SNTB1: variants seen among roughly 807,000 people sequenced by gnomAD.
SNTB1 encodes the protein syntrophin beta 1.
A neutral mutation model predicts 48.9 loss-of-function variants in SNTB1; 36 were observed. The observed-to-expected ratio is 0.74, with a 90% confidence interval of 0.56 to 0.97. The LOEUF (loss-of-function observed/expected upper bound fraction) is 0.97, where lower values mean the gene tolerates loss of function less well. Among genes scored for constraint, SNTB1 ranks in the 50% least tolerant of loss-of-function variants. The pLI, the probability that SNTB1 is intolerant of heterozygous loss-of-function variation, is 0.00. For synonymous variants in SNTB1, 299 were observed against 294.6 expected, an observed-to-expected ratio of 1.01 and a Z score of -0.15; for missense variants, 786 against 703.4, an observed-to-expected ratio of 1.12 and a Z score of -1.33.
At chr8:120,551,079 A>C (rs191012119) in intron 4 of SNTB1, among the ~76,000 whole-genome samples, 1 of 152,092 alleles carries the variant, frequency 6.6e-6, no homozygotes, top group African/African-American at 2.4e-5. Context: ...AGATGGTGAA[A>C]CCAACGTCTG....
At chr8:120,736,214 CT>C (rs1185858618) in intron 1 of SNTB1, among the ~76,000 whole-genome samples, 1 of 152,154 alleles carries the variant, frequency 6.6e-6, no homozygotes, top group Non-Finnish European at 1.5e-5. Context: ...TCAATTACCC[CT>C]ACCTTGCCTC....
chr8:120,599,765 G>T (rs10108821), intron 3 of SNTB1, among the ~76,000 whole-genome samples: 35,775 of 152,040 alleles, frequency 0.24, 4,356 homozygotes, highest in African/African-American at 0.29. Context: ...AATGATAGAT[G>T]CTTCTCTTTA....
intron 1 of SNTB1, among the ~76,000 whole-genome samples, chr8:120,738,545 T>TTTCC (rs201478933): frequency 0.28 from 38,644 of 135,616 alleles, 5,986 homozygotes; most frequent in Non-Finnish European, 0.34. Flanking sequence ...TCCTTCCTTC[T>TTTCC]TTCCTTCCTT....
intron 1 of SNTB1, among the ~76,000 whole-genome samples, chr8:120,737,120 G>T (rs1324252913): frequency 2.6e-5 from 4 of 152,122 alleles, no homozygotes; most frequent in African/African-American, 9.7e-5. Flanking sequence ...CTTTGAAATT[G>T]TTTCTTCATC....
chr8:120,723,088 T>C (rs376210388), intron 1 of SNTB1, among the ~76,000 whole-genome samples: 6 of 152,202 alleles, frequency 3.9e-5, no homozygotes, highest in East Asian at 3.8e-4. Context: ...GCGGTGTTAT[T>C]TCTGAGTCCT....
intron 3 of SNTB1, among the ~76,000 whole-genome samples, chr8:120,593,827 C>T (rs775059076): frequency 5.9e-5 from 9 of 152,128 alleles, no homozygotes; most frequent in Non-Finnish European, 1.3e-4. Flanking sequence ...ATTTTTAAAG[C>T]TGGCCCAAAT....
chr8:120,643,292 G>T (rs1055527010), intron 2 of SNTB1, among the ~76,000 whole-genome samples: 2 of 152,194 alleles, frequency 1.3e-5, no homozygotes, highest in African/African-American at 2.4e-5. Flanking sequence ...GATTTCAATA[G>T]TTTTGGGGGA....
chr8:120,645,174 C>G (rs1425537897), intron 2 of SNTB1, among the ~76,000 whole-genome samples: 3 of 152,058 alleles, frequency 2.0e-5, no homozygotes, highest in Non-Finnish European at 4.4e-5. Flanking sequence ...TTAATCAGAT[C>G]CCATTTGTCA....
chr8:120,625,071 A>G lies in SNTB1; in HGVS notation c.996+7373T>C, dbSNP rs144773766. Among the ~76,000 whole-genome samples the G allele has an allele frequency of 2.3e-3, 343 of 152,312 alleles. 1 individual carries two copies. The highest frequency in any genetic ancestry group is 8.0e-3 in the African/African-American group (331 of 41,570). On this transcript the variant is annotated intron_variant, in intron 3 of 6. Transcript: ENST00000517992. ...AACTAACAGGAAGTGGGCTGAAGTC[A>G]TCCTTTTTCTCAGGACCCCACTTCT...
At chr8:120,766,643 G>T (rs1044718450) in intron 1 of SNTB1, among the ~76,000 whole-genome samples, 3 of 152,132 alleles carry the variant, frequency 2.0e-5, no homozygotes, top group African/African-American at 7.2e-5. Context: ...AAGACATAGT[G>T]TATCTTCCAA....
At chr8:120,590,875 C>T (rs1380063510) in intron 3 of SNTB1, among the ~76,000 whole-genome samples, 3 of 151,782 alleles carry the variant, frequency 2.0e-5, no homozygotes, top group Non-Finnish European at 4.4e-5. Context: ...TTAGTAGAGA[C>T]GGGGTTTCAC....
intron 4 of SNTB1, among the ~76,000 whole-genome samples, chr8:120,556,185 CAAGTTA>C (rs1489417862): frequency 1.3e-5 from 2 of 152,144 alleles, no homozygotes; most frequent in Non-Finnish European, 2.9e-5. Context: ...CTGTTTACTC[CAAGTTA>C]AGCTCCAGTT....
At chr8:120,647,421 G>A (rs1817317370) in intron 2 of SNTB1, among the ~76,000 whole-genome samples, 1 of 148,736 alleles carries the variant, frequency 6.7e-6, no homozygotes, top group Non-Finnish European at 1.5e-5. Flanking sequence ...ATTTCGTTAT[G>A]TACCCAGTAG....
chr8:120,543,524 G>A (rs3922897), intron 5 of SNTB1, among the ~76,000 whole-genome samples: 98,599 of 151,966 alleles, frequency 0.65, 32,403 homozygotes, highest in African/African-American at 0.75. Flanking sequence ...ATCACTACCC[G>A]GGTTGTTTGG....
chr8:120,576,893 C>T (rs935359148), intron 3 of SNTB1, among the ~76,000 whole-genome samples: 2 of 152,066 alleles, frequency 1.3e-5, no homozygotes, highest in African/African-American at 4.8e-5. Context: ...TAGCACTTAC[C>T]TCATCATGCT....
chr8:120,623,196 A>T (rs1816821201), intron 3 of SNTB1, among the ~76,000 whole-genome samples: 1 of 152,108 alleles, frequency 6.6e-6, no homozygotes. Flanking sequence ...TCCGTCTCAG[A>T]CTCTGCTTCT....
intron 2 of SNTB1, among the ~76,000 whole-genome samples, chr8:120,655,212 A>G (rs1325791979): frequency 6.6e-6 from 1 of 152,252 alleles, no homozygotes; most frequent in African/African-American, 2.4e-5. Flanking sequence ...CTTTTGCGAT[A>G]ATGTCATTGA....
Position 120,811,337 on chromosome 8 carries a change from C to T in SNTB1, c.507G>A (p.Arg169=), listed in dbSNP as rs867017731. 6.2e-7 allele frequency: 1 copy of T among 1,612,490 alleles called. No homozygotes were observed. Among genetic ancestry groups the T allele is most frequent in the Admixed American group, 1.7e-5 (1 of 60,012 alleles). Residue 169 remains arginine (R), a synonymous_variant, in exon 1 of 7, where the codon CGG becomes CGA. Transcript: ENST00000517992. ...GCACCGCCTCGTCGTGGGTGGCGTC[C>T]CGCAGGTCGGCTCCGTTCACGGACA... is the stretch of plus-strand genomic sequence containing the variant. The part of the protein sequence containing the change: ...AILSVNGADL[R]DATHDEAVQA...
chr8:120,715,833 T>C (rs1029127420), intron 1 of SNTB1, among the ~76,000 whole-genome samples: 2 of 152,194 alleles, frequency 1.3e-5, no homozygotes, highest in African/African-American at 4.8e-5. Flanking sequence ...GAGACTGTTT[T>C]GAGAAAGTAA....
Sources: gnomAD v4.1 joint callset for allele counts (sites outside exome capture counted in the v4.1 genomes callset) on GRCh38, gnomAD v4.1.1 for gene constraint, MANE v1.5 for transcripts, NCBI Gene and HGNC (gene_info 2026-07-23, HGNC 2026-07-21) for gene names.